WARS1: variants seen among roughly 807,000 people sequenced by gnomAD.
WARS1 encodes tryptophanyl-tRNA synthetase 1.
A neutral mutation model predicts 47.8 loss-of-function variants in WARS1; 17 were observed. The observed-to-expected ratio is 0.36, with a 90% CI of 0.24 to 0.53. The LOEUF (loss-of-function observed/expected upper bound fraction) is 0.53, where lower values mean the gene tolerates loss of function less well. Ranked by LOEUF, WARS1 falls within the 20% of genes least tolerant of loss-of-function variation. The pLI, the probability that WARS1 is intolerant of heterozygous loss-of-function variation, is 0.91. For missense variants in WARS1, 434 were observed against 608.0 expected (o/e 0.71, Z 3.01); for synonymous variants, 208 against 228.1 (o/e 0.91, Z 0.79).
chr14:100,369,170 G>A lies in WARS1; in HGVS notation c.16C>T (p.Pro6Ser). The A allele has an allele frequency of 6.6e-7, 1 of 1,503,844 alleles. No homozygotes were observed. Among genetic ancestry groups the A allele is most frequent in the Non-Finnish European group, 9.0e-7 (1 of 1,109,538 alleles). 93.2% of individuals were successfully genotyped at this position (1,503,844 alleles called of 1,614,324 possible). A position where few individuals can be genotyped will look rare whatever the true frequency, so the allele number is the denominator to read the frequency against. MPNSE[P>S]ASLLELFNSI... ...TTGAACAGCTCCAGCAGAGATGCGG[G>A]CTCACTGTTGGGCATGTTTGCTATC... Residue 6 changes from proline (P) to serine (S), a missense_variant, in exon 2 of 11, where the codon CCC becomes TCC. By Grantham distance (74) the Pro-to-Ser change is moderately conservative (BLOSUM62 -1). Coordinates refer to ENST00000392882, the MANE Select transcript of WARS1 (RefSeq NM_004184.4).
intron 8 of WARS1, 34 bp from the exon 9 acceptor site, chr14:100,342,605 C>A: frequency 6.4e-7 from 1 of 1,573,054 alleles, no homozygotes; most frequent in Non-Finnish European, 8.6e-7. Flanking sequence ...ATGAGGGCGG[C>A]CAGAAAACAT....
Position 100,335,132 on chromosome 14 carries a change from C to A in WARS1, c.1255-96G>T, listed in dbSNP as rs1301015373. ...ACCAGCTCAGCCCACACCACCCATG[C>A]AGAGCCTGGCACGTGGGTGGCACTC... On this transcript the variant is annotated intron_variant, in intron 10 of 10. Coordinates refer to ENST00000392882, the MANE Select transcript of WARS1 (RefSeq NM_004184.4). 9 of 1,228,316 alleles carry A rather than the reference C, an allele frequency of 7.3e-6. No homozygotes were observed. The African/African-American group carries it at 1.4e-4, about 18-fold the overall frequency. The allele number at this position is 1,228,316 out of a possible 1,614,324, so 76.1% of individuals were successfully genotyped here.
At chr14:100,347,150 G>C (rs1271902826) in intron 6 of WARS1, among the ~76,000 whole-genome samples, 1 of 152,244 alleles carries the variant, frequency 6.6e-6, no homozygotes, top group Non-Finnish European at 1.5e-5. Context: ...GAGACTTGCA[G>C]CTAGCATGAA....
At chr14:100,354,237 G>T in intron 5 of WARS1, 2 of 605,868 alleles carry the variant, frequency 3.3e-6, no homozygotes, top group Non-Finnish European at 5.4e-6. Flanking sequence ...AGGCCTGGCT[G>T]ACTCCAAAGC....
At position 100,375,263 on chromosome 14, in the gene WARS1, G is replaced by A. The variant is rs1896586679; in HGVS notation, c.-74+20C>T. On this transcript the variant is annotated intron_variant, in intron 1 of 10. Coordinates refer to ENST00000392882, the MANE Select transcript of WARS1 (RefSeq NM_004184.4). ...AAAACACGAACAAGCTCTAAGCCTG[G>A]CAAAGATGGCAATACATACCCAGGT... 2 of 152,338 alleles carry A rather than the reference G, an allele frequency of 1.3e-5. No homozygotes were observed. The highest frequency in any genetic ancestry group is 1.9e-4 in the East Asian group (1 of 5,182). 9.4% of individuals were successfully genotyped at this position (152,338 alleles called of 1,614,324 possible). A position where few individuals can be genotyped will look rare whatever the true frequency, so the allele number is the denominator to read the frequency against.
intron 6 of WARS1, among the ~76,000 whole-genome samples, chr14:100,351,140 G>A (rs1479712395): frequency 6.6e-6 from 1 of 152,122 alleles, no homozygotes; most frequent in Non-Finnish European, 1.5e-5. Flanking sequence ...GGAAAGACCC[G>A]CAAGTGGAAG....
At chr14:100,345,604 T>A (rs1739061430) in intron 7 of WARS1, among the ~76,000 whole-genome samples, 1 of 151,776 alleles carries the variant, frequency 6.6e-6, no homozygotes, top group Non-Finnish European at 1.5e-5. Context: ...CCTCCACTAT[T>A]GTCCTGTGAC....
intron 4 of WARS1, among the ~76,000 whole-genome samples, chr14:100,355,936 C>T (rs11623879): frequency 0.68 from 104,090 of 152,068 alleles, 36,822 homozygotes; most frequent in Admixed American, 0.81. Context: ...AACTGTGCCA[C>T]GAGCTGCTTT....
At chr14:100,363,152 C>T (rs1895756753) in intron 2 of WARS1, among the ~76,000 whole-genome samples, 1 of 152,142 alleles carries the variant, frequency 6.6e-6, no homozygotes, top group Admixed American at 6.5e-5. Context: ...GGAAGGCTTA[C>T]CTTGCTTTGA....
chr14:100,372,200 G>A (rs971982634), intron 1 of WARS1, among the ~76,000 whole-genome samples: 1 of 152,016 alleles, frequency 6.6e-6, no homozygotes, highest in Non-Finnish European at 1.5e-5. Context: ...CTGCAGCCAG[G>A]TGAAATAAAC....
chr14:100,370,461 TTTC>T (rs931390110), intron 1 of WARS1: 1 of 152,202 alleles, frequency 6.6e-6, no homozygotes, highest in African/African-American at 2.4e-5. Context: ...TGTTATTAAA[TTTC>T]TTGTGTTTCT....
chr14:100,361,505 T>A (rs554239546), intron 3 of WARS1, among the ~76,000 whole-genome samples: 3 of 152,390 alleles, frequency 2.0e-5, no homozygotes, highest in African/African-American at 7.2e-5. Context: ...TTTTGAAATA[T>A]ATTTTATATT....
chr14:100,344,999 G>C (rs202087117), intron 7 of WARS1, among the ~76,000 whole-genome samples: 1 of 28,478 alleles, frequency 3.5e-5, no homozygotes, highest in African/African-American at 7.0e-5. Flanking sequence ...GGAGGGAAGT[G>C]GGGGGGTCAG....
intron 6 of WARS1, 51 bp downstream of exon 6, chr14:100,353,636 T>A: frequency 6.3e-7 from 1 of 1,588,252 alleles, no homozygotes. Context: ...TCATGACAAC[T>A]TGACATCCTC....
chr14:100,360,813 A>G, intron 3 of WARS1, 151 bp from the exon 4 acceptor site: 1 of 491,476 alleles, frequency 2.0e-6, no homozygotes, highest in Non-Finnish European at 3.7e-6. Context: ...TACCCCCAAC[A>G]TGAAGTAAAA....
intron 6 of WARS1, 66 bp downstream of exon 6, chr14:100,353,621 T>C: frequency 6.4e-7 from 1 of 1,555,724 alleles, no homozygotes; most frequent in South Asian, 1.2e-5. Context: ...CGAATTTAGC[T>C]GTGGTCATGA....
At chr14:100,375,439 C>T (rs1896601077), upstream of WARS1, 2 of 152,236 alleles carry the variant, frequency 1.3e-5, no homozygotes, top group African/African-American at 4.8e-5. Flanking sequence ...TTCGTTCTCC[C>T]CACCCTGCAT....
rs115946968 is a variant in WARS1, at chr14:100,364,036, T to G, written c.100-2115A>C. 1.5e-3 allele frequency among the ~76,000 whole-genome samples: 228 copies of G among 152,192 alleles called. 3 individuals carry two copies. Among genetic ancestry groups the G allele is most frequent in the African/African-American group, 5.3e-3 (219 of 41,540 alleles). ...GAGTCATGGCAGAGGCTGAGGCGCG[T>G]GAGGGTGGCTTCTAGGTGCTCTCTG... On this transcript the variant is annotated intron_variant, in intron 2 of 10. Transcript: ENST00000392882.
chr14:100,357,882 C>T (rs1187330438), intron 4 of WARS1, among the ~76,000 whole-genome samples: 1 of 152,038 alleles, frequency 6.6e-6, no homozygotes, highest in African/African-American at 2.4e-5. Flanking sequence ...AGTGCAAAAC[C>T]TATACACTGA....
Sources: allele counts gnomAD v4.1 joint callset (sites outside exome capture counted in the v4.1 genomes callset), GRCh38; gene constraint gnomAD v4.1.1; transcripts MANE v1.5; gene names NCBI Gene and HGNC (gene_info 2026-07-23, HGNC 2026-07-21).